Variants in PRSS3 observed in about 807,000 individuals in gnomAD.
PRSS3 encodes trypsin-3.
PRSS3 carries 14 observed loss-of-function variants against 20.8 expected under a neutral mutation model. That is an observed-to-expected ratio of 0.67 (90% CI 0.44 to 1.05). The LOEUF is 1.05. PRSS3 is among the 50% of genes least tolerant of loss of function. PRSS3 has a pLI of 0.00. For missense variants in PRSS3, 237 were observed against 306.4 expected (o/e 0.77, Z 1.69); for synonymous variants, 91 against 117.6 (o/e 0.77, Z 1.46).
intron 1 of PRSS3, among the ~76,000 whole-genome samples, chr9:33,775,576 G>A (rs564703096): frequency 2.6e-5 from 4 of 152,228 alleles, no homozygotes; most frequent in African/African-American, 7.2e-5. Flanking sequence ...AACTATCTAT[G>A]CATATATAGA....
At chr9:33,784,157 T>C (rs1428044098) in intron 1 of PRSS3, among the ~76,000 whole-genome samples, 1 of 152,188 alleles carries the variant, frequency 6.6e-6, no homozygotes, top group Non-Finnish European at 1.5e-5. Flanking sequence ...GAAAGGCATG[T>C]AAAGAGAGGG....
intron 1 of PRSS3, chr9:33,786,053 C>T: frequency 3.7e-6 from 1 of 270,136 alleles, no homozygotes; most frequent in African/African-American, 2.3e-5. Context: ...AGTGAAGAGC[C>T]ACACAGTTCC....
At chr9:33,784,026 T>C (rs2119011245) in intron 1 of PRSS3, among the ~76,000 whole-genome samples, 1 of 152,344 alleles carries the variant, frequency 6.6e-6, no homozygotes, top group East Asian at 1.9e-4. Context: ...TTGTTCTCTG[T>C]TATAATTGAA....
intron 1 of PRSS3, among the ~76,000 whole-genome samples, chr9:33,754,359 C>T (rs1193786443): frequency 1.3e-5 from 2 of 151,938 alleles, no homozygotes; most frequent in Non-Finnish European, 2.9e-5. Context: ...TGTGAGCCGC[C>T]GCGCCTGGCT....
intron 1 of PRSS3, among the ~76,000 whole-genome samples, chr9:33,769,286 T>C (rs1823580206): frequency 6.6e-6 from 1 of 152,154 alleles, no homozygotes; most frequent in South Asian, 2.1e-4. Flanking sequence ...GAAAGCACAT[T>C]CTGGAGAAAA....
intron 1 of PRSS3, among the ~76,000 whole-genome samples, chr9:33,769,467 A>AG (rs1187658747): frequency 4.6e-5 from 7 of 152,336 alleles, no homozygotes; most frequent in Non-Finnish European, 1.0e-4. Context: ...GAGGCCAACA[A>AG]GGTTTTTCAG....
intron 1 of PRSS3, among the ~76,000 whole-genome samples, chr9:33,795,830 G>A (rs1269019073): frequency 4.6e-5 from 7 of 152,162 alleles, no homozygotes; most frequent in South Asian, 4.1e-4. Context: ...ATCCATATCC[G>A]AGCTGTGGTT....
chr9:33,783,448 G>C (rs570991982), intron 1 of PRSS3, among the ~76,000 whole-genome samples: 14 of 152,276 alleles, frequency 9.2e-5, no homozygotes, highest in African/African-American at 3.4e-4. Flanking sequence ...TAAAAAACTA[G>C]ATGGATTGAT....
chr9:33,791,879 G>C (rs1422269842), upstream of PRSS3, among the ~76,000 whole-genome samples: 1 of 152,290 alleles, frequency 6.6e-6, no homozygotes, highest in East Asian at 1.9e-4. Context: ...CATAAAACTT[G>C]CATGTCTTCC....
chr9:33,785,208 C>CG (rs1824346759), intron 1 of PRSS3, among the ~76,000 whole-genome samples: 1 of 91,876 alleles, frequency 1.1e-5, no homozygotes, highest in Admixed American at 1.3e-4. Flanking sequence ...GACGGAGTCT[C>CG]GCTCTGTCGC....
In PRSS3 at chr9:33,799,178, T is replaced by G. The variant is rs754105809; in HGVS notation, c.742T>G (p.Ter248GluextTer?). 16 of 1,614,106 alleles carry G rather than the reference T, an allele frequency of 9.9e-6. No individual in the cohort carries two copies. In the South Asian group the frequency reaches 1.6e-4, roughly 17 times the overall value. ...TAAGGACACCATCGCTGCCAACAGC[T>G]AAAGCCCCCGGTCCCTCTGCAGTCT... ...WIKDTIAANS[*>E] The change falls in exon 5 of 5, where the codon TAA becomes GAA. Residue 248 changes from the stop codon to glutamate (E), a stop_lost. Transcript: ENST00000379405.
At chr9:33,760,085 A>G (rs981475034) in intron 1 of PRSS3, among the ~76,000 whole-genome samples, 13 of 151,562 alleles carry the variant, frequency 8.6e-5, no homozygotes, top group Admixed American at 2.6e-4. Context: ...TTCCATTATT[A>G]TTTTCCTTGA....
At chr9:33,765,249 G>C (rs1315901823) in intron 1 of PRSS3, among the ~76,000 whole-genome samples, 1 of 152,102 alleles carries the variant, frequency 6.6e-6, no homozygotes, top group African/African-American at 2.4e-5. Flanking sequence ...TTTTTTCCTA[G>C]ATGTATATAC....
Position 33,796,787 on chromosome 9 carries a change from C to G in PRSS3, c.185C>G (p.Ala62Gly), listed in dbSNP as rs199600414. 21,973 of 1,240,142 alleles carry G rather than the reference C, an allele frequency of 0.018. No homozygotes were observed. Among genetic ancestry groups the G allele is most frequent in the Admixed American group, 0.03 (1,224 of 41,134 alleles). The allele number at this position is 1,240,142 out of a possible 1,614,324, so 76.8% of individuals were successfully genotyped here. A position where few individuals can be genotyped will look rare whatever the true frequency, so the allele number is the denominator to read the frequency against. Residue 62 changes from alanine (A) to glycine (G), a missense_variant, in exon 2 of 5, where the codon GCT becomes GGT. Ala to Gly is a moderately conservative substitution (Grantham distance 60, BLOSUM62 0). Coordinates refer to ENST00000379405, the MANE Select transcript of PRSS3 (RefSeq NM_002771.4). ...LISEQWVVSA[A>G]HCYKTRIQVR... ...AGCGAACAGTGGGTGGTATCAGCAG[C>G]TCACTGCTACAAGACGTAAGTGTGG...
At chr9:33,770,620 A>G (rs1258564154) in intron 1 of PRSS3, among the ~76,000 whole-genome samples, 1 of 152,184 alleles carries the variant, frequency 6.6e-6, no homozygotes, top group African/African-American at 2.4e-5. Flanking sequence ...ATTAAATTAA[A>G]ATGAGATCAT....
At position 33,799,093 on chromosome 9, in the gene PRSS3, C is replaced by T. The variant is rs1303275573; in HGVS notation, c.657C>T (p.Gly219=). The stretch of plus-strand genomic sequence containing the variant: ...AAGGAGTTGTCTCCTGGGGCCATGG[C>T]TGTGCCTGGAAGAACAGGCCTGGAG... The part of the protein sequence containing the change: ...QLQGVVSWGH[G]CAWKNRPGVY... Residue 219 remains glycine (G), a synonymous_variant, in exon 5 of 5, where the codon GGC becomes GGT. Coordinates refer to ENST00000379405, the MANE Select transcript of PRSS3 (RefSeq NM_002771.4). 6.2e-7 allele frequency: 1 copy of T among 1,613,742 alleles called. No individual in the cohort carries two copies. The highest frequency in any genetic ancestry group is 8.5e-7 in the Non-Finnish European group (1 of 1,179,860).
At chr9:33,761,363 G>C (rs1823195212) in intron 1 of PRSS3, among the ~76,000 whole-genome samples, 1 of 152,188 alleles carries the variant, frequency 6.6e-6, no homozygotes, top group Non-Finnish European at 1.5e-5. Flanking sequence ...GGCAGTTATA[G>C]CACAGTGGTA....
At chr9:33,771,629 G>GTTTTTTGGTTTTT (rs1823697584) in intron 1 of PRSS3, among the ~76,000 whole-genome samples, 6 of 115,188 alleles carry the variant, frequency 5.2e-5, no homozygotes, top group Admixed American at 1.7e-4. Context: ...ACTGGGTTTT[G>GTTTTTTGGTTTTT]TTTTTTTGTT....
intron 1 of PRSS3, chr9:33,786,538 C>T (rs1441916896): frequency 3.9e-6 from 3 of 764,974 alleles, no homozygotes; most frequent in South Asian, 1.3e-5. Flanking sequence ...GCTCTGTGTT[C>T]AGTGCTGTCA....
Sources: gnomAD v4.1 joint callset for allele counts (sites outside exome capture counted in the v4.1 genomes callset) on GRCh38, gnomAD v4.1.1 for gene constraint, MANE v1.5 for transcripts, NCBI Gene and HGNC (gene_info 2026-07-23, HGNC 2026-07-21) for gene names.